The following ZNF99 variants were observed in gnomAD, a reference collection of about 807,000 sequenced individuals.
ZNF99 encodes zinc finger protein ENSP00000375192.
A neutral mutation model predicts 12.8 loss-of-function variants in ZNF99; 8 were observed. The observed-to-expected ratio is 0.62, with a 90% CI of 0.37 to 1.13. ZNF99 has a LOEUF of 1.13. ZNF99 is among the 50% of genes most tolerant of loss of function. The pLI is 0.02. For missense variants in ZNF99, 1,007 were observed against 1,006.2 expected, an observed-to-expected ratio of 1.00 and a Z score of -0.01; for synonymous variants, 318 against 319.0, an observed-to-expected ratio of 1.00 and a Z score of 0.03.
chr19:22,768,506 C>A, intron 2 of ZNF99, 106 bp from the exon 3 acceptor site: 1 of 870,366 alleles, frequency 1.1e-6, no homozygotes, highest in East Asian at 3.0e-5. Flanking sequence ...TCCCTCAATA[C>A]TAATTTATAA....
In ZNF99 at chr19:22,757,374, T is replaced by A. The variant is rs1973077607; in HGVS notation, c.2535A>T (p.Ala845=). The change falls in exon 4 of 4, where the codon GCA becomes GCT. Residue 845 remains alanine (A), a synonymous_variant. Transcript: ENST00000596209. The part of the protein sequence containing the change: ...HKVIHMERNP[A]NVKNVAKLLN... ...AAAGCTTTGCCACATTCTTCACATT[T>A]GCAGGGTTTCTCTCCATATGAATTA... The A allele has an allele frequency of 6.2e-7, 1 of 1,609,624 alleles. No homozygotes were observed. Among genetic ancestry groups the A allele is most frequent in the African/African-American group, 1.3e-5 (1 of 74,370 alleles).
rs75864298 is a variant in ZNF99, at chr19:22,755,224, C to T, written c.*2090G>A. 2,450 of 265,560 alleles carry T rather than the reference C, an allele frequency of 9.2e-3. 62 individuals carry two copies. Among genetic ancestry groups the T allele is most frequent in the African/African-American group, 0.052 (2,291 of 43,836 alleles). 16.5% of individuals were successfully genotyped at this position (265,560 alleles called of 1,614,324 possible). ...ACATTTGTAGGGTTTTTCTCCAGTACGAATTTTCTTATGTCTAATAAAGTT... is the reference window on the plus strand; with the variant it reads ...ACATTTGTAGGGTTTTTCTCCAGTATGAATTTTCTTATGTCTAATAAAGTT... On this transcript the variant is annotated 3_prime_UTR_variant, in exon 4 of 4. Transcript: ENST00000596209.
intron 2 of ZNF99, 67 bp from the exon 3 acceptor site, chr19:22,768,467 G>C: frequency 7.8e-7 from 1 of 1,283,198 alleles, no homozygotes; most frequent in Non-Finnish European, 1.1e-6. Flanking sequence ...TCATTAAAGA[G>C]AATGTAATAG....
At chr19:22,768,052 T>C (rs946251982) in intron 3 of ZNF99, among the ~76,000 whole-genome samples, 5 of 152,222 alleles carry the variant, frequency 3.3e-5, no homozygotes, top group Admixed American at 2.0e-4. Context: ...GTCCCTTATA[T>C]GCCATGAACA....
intron 2 of ZNF99, 144 bp from the exon 3 acceptor site, chr19:22,768,544 T>C: frequency 1.4e-6 from 1 of 694,816 alleles, no homozygotes; most frequent in Non-Finnish European, 2.2e-6. Flanking sequence ...TTAGAAAATA[T>C]TTTCAATTTG....
rs529643210 is a variant in ZNF99 at position 22,760,464 on chromosome 19, GC to G, written c.227-783del. Among the ~76,000 whole-genome samples the G allele has an allele frequency of 1.6e-3, 238 of 152,260 alleles. 1 individual carries two copies. The highest frequency in any genetic ancestry group is 5.4e-3 in the African/African-American group (225 of 41,568). Reference sequence around the variant, plus strand: ...GCATACTTTAAAATGACAGCTTGAGGCCGGGCACGGTGGCTCAGGCCTGTAA... The same window carrying G: ...GCATACTTTAAAATGACAGCTTGAGGCGGGCACGGTGGCTCAGGCCTGTAA... On this transcript the variant is annotated intron_variant, in intron 3 of 3. Transcript: ENST00000596209.
At chr19:22,776,052 A>C (rs62122360) in intron 1 of ZNF99, among the ~76,000 whole-genome samples, 12,990 of 151,822 alleles carry the variant, frequency 0.086, 572 homozygotes, top group Middle Eastern at 0.11. Context: ...ACAAAAACCT[A>C]GTAGACAAAA....
Position 22,757,795 on chromosome 19 carries a change from T to C in ZNF99, c.2114A>G (p.Tyr705Cys), listed in dbSNP as rs373147192. The change falls in exon 4 of 4, where the codon TAC becomes TGC. Residue 705 changes from tyrosine to cysteine, a missense_variant. Physicochemically the swap from Tyr to Cys is radical, Grantham distance 194. Transcript: ENST00000596209. The part of the protein sequence containing the change: ...HKIIHTGKKP[Y>C]KCEECGKAFS... ...AGCTTTGCCACATTCTTCACATTTG[T>C]AGGGTTTCTTTCCAGTATGAATTAT... The C allele has an allele frequency of 8.1e-6, 13 of 1,612,710 alleles. No homozygotes were observed. Among genetic ancestry groups the C allele is most frequent in the African/African-American group, 5.4e-5 (4 of 74,516 alleles).
intron 1 of ZNF99, 53 bp from the exon 2 acceptor site, chr19:22,769,377 A>C: frequency 1.9e-6 from 3 of 1,557,682 alleles, no homozygotes; most frequent in Non-Finnish European, 2.6e-6. Context: ...CATGGACAGA[A>C]TTTTTAATTT....
intron 1 of ZNF99, among the ~76,000 whole-genome samples, chr19:22,773,350 G>C (rs1294792462): frequency 6.6e-6 from 1 of 152,178 alleles, no homozygotes; most frequent in Admixed American, 6.5e-5. Flanking sequence ...TAAAACTGTT[G>C]TATTACACAA....
intron 1 of ZNF99, among the ~76,000 whole-genome samples, chr19:22,779,695 A>G (rs1285726826): frequency 6.6e-6 from 1 of 152,210 alleles, no homozygotes. Flanking sequence ...TCCTAAGTAC[A>G]TGATGACTTC....
In ZNF99 at chr19:22,759,100, G is replaced by C. The variant is rs1193611769; in HGVS notation, c.809C>G (p.Ser270Ter). 2 of 1,610,042 alleles carry C rather than the reference G, an allele frequency of 1.2e-6. No individual in the cohort carries two copies. Among genetic ancestry groups the C allele is most frequent in the Non-Finnish European group, 1.7e-6 (2 of 1,177,906 alleles). The change falls in exon 4 of 4, where the codon TCA becomes TGA. Residue 270 changes from serine (S) to a stop codon, truncating the protein, a stop_gained. Coordinates refer to ENST00000596209, the MANE Select transcript of ZNF99 (RefSeq NM_001080409.3). LOFTEE classifies it low-confidence loss of function (END_TRUNC). ...EECGKVFNNS[S>*]TLMKHKIIHT... is the part of the protein sequence containing the mutation. ...AATTATCTTATGTTTCATAAGGGTTGAGGAATTGTTAAAAACTTTGCCACA... is the reference window on the plus strand; with the variant it reads ...AATTATCTTATGTTTCATAAGGGTTCAGGAATTGTTAAAAACTTTGCCACA...
rs1973002454 is a variant in ZNF99 at position 22,753,617 on chromosome 19, A to T, written c.*3697T>A. ...AATATAGTACTACAACCGTCTTTAT[A>T]TTTGTAATGTTTGTCATCAAAAGAA... On this transcript the variant is annotated 3_prime_UTR_variant, in exon 4 of 4. Coordinates refer to ENST00000596209, the MANE Select transcript of ZNF99 (RefSeq NM_001080409.3). 6.5e-6 allele frequency: 1 copy of T among 153,610 alleles called. No homozygotes were observed. The highest frequency in any genetic ancestry group is 6.5e-5 in the Admixed American group (1 of 15,464). The allele number at this position is 153,610 out of a possible 1,614,324, so 9.5% of individuals were successfully genotyped here.
Position 22,759,451 on chromosome 19 carries a change from A to G in ZNF99, c.458T>C (p.Val153Ala). The G allele has an allele frequency of 6.2e-7, 1 of 1,600,292 alleles. No individual in the cohort carries two copies. Among genetic ancestry groups the G allele is most frequent in the Non-Finnish European group, 8.5e-7 (1 of 1,173,636 alleles). Residue 153 changes from valine to alanine, a missense_variant, in exon 4 of 4, where the codon GTC becomes GCC. Transcript: ENST00000596209. ...KIFQCNKYVK[V>A]FHKYSNSNRY... is the part of the protein sequence containing the mutation. ...ATTTGAATTTGAATATTTATGAAAG[A>G]CTTTCACATATTTGTTACACTGAAA...
At position 22,756,594 on chromosome 19, in the gene ZNF99, A is replaced by G. The variant is rs577414244; in HGVS notation, c.*720T>C. 1 of 1,600,190 alleles carries G rather than the reference A, an allele frequency of 6.2e-7. No homozygotes were observed. Among genetic ancestry groups the G allele is most frequent in the Non-Finnish European group, 8.5e-7 (1 of 1,176,710 alleles). ...GTTTAGTAAGGTGTGAGGATTGCTTAAAAGCTTTGCCACATTCTTCACATT... is the reference window on the plus strand; with the variant it reads ...GTTTAGTAAGGTGTGAGGATTGCTTGAAAGCTTTGCCACATTCTTCACATT... On this transcript the variant is annotated 3_prime_UTR_variant, in exon 4 of 4. Coordinates refer to ENST00000596209, the MANE Select transcript of ZNF99 (RefSeq NM_001080409.3).
intron 1 of ZNF99, chr19:22,774,466 T>G (rs1389804265): frequency 2.0e-5 from 3 of 152,224 alleles, no homozygotes; most frequent in Admixed American, 2.0e-4. Flanking sequence ...CTGGAATATA[T>G]TTAAGCTTGC....
chr19:22,768,162 G>A (rs1973225284), intron 3 of ZNF99, 143 bp downstream of exon 3: 5 of 913,432 alleles, frequency 5.5e-6, no homozygotes, highest in Non-Finnish European at 6.9e-6. Flanking sequence ...CCCTACATGA[G>A]AGCAAAATTT....
At chr19:22,774,961 C>A (rs1973310082) in intron 1 of ZNF99, among the ~76,000 whole-genome samples, 1 of 152,110 alleles carries the variant, frequency 6.6e-6, no homozygotes, top group Non-Finnish European at 1.5e-5. Context: ...TAGAAAAGAT[C>A]AAAATCATTA....
Position 22,754,877 on chromosome 19 carries a change from T to C in ZNF99, c.*2437A>G, listed in dbSNP as rs1022101999. 1.1e-5 allele frequency: 2 copies of C among 178,374 alleles called. No homozygotes were observed. Among genetic ancestry groups the C allele is most frequent in the South Asian group, 1.2e-4 (1 of 8,414 alleles). 11.0% of individuals were successfully genotyped at this position (178,374 alleles called of 1,614,324 possible). A position where few individuals can be genotyped will look rare whatever the true frequency, so the allele number is the denominator to read the frequency against. Reference sequence around the variant, plus strand: ...CAGAGGTCGGGAGTTCGAGACCAGCTTGACCAACATGGAGAAACCCCGTCT... The same window carrying C: ...CAGAGGTCGGGAGTTCGAGACCAGCCTGACCAACATGGAGAAACCCCGTCT... On this transcript the variant is annotated 3_prime_UTR_variant, in exon 4 of 4. Coordinates refer to ENST00000596209, the MANE Select transcript of ZNF99 (RefSeq NM_001080409.3).
Sources: gnomAD v4.1 joint callset for allele counts (sites outside exome capture counted in the v4.1 genomes callset) on GRCh38, gnomAD v4.1.1 for gene constraint, MANE v1.5 for transcripts, NCBI Gene and HGNC (gene_info 2026-07-23, HGNC 2026-07-21) for gene names.